Variants in CPPED1 observed in about 807,000 individuals in gnomAD.
CPPED1 encodes the protein serine/threonine-protein phosphatase CPPED1.
A neutral mutation model predicts 28.0 loss-of-function variants in CPPED1; 28 were observed. The observed-to-expected ratio is 1.00, with a 90% CI of 0.74 to 1.37. CPPED1 has a LOEUF of 1.37. CPPED1 is among the 40% of genes most tolerant of loss of function. The pLI, the probability that CPPED1 is intolerant of heterozygous loss-of-function variation, is 0.00. For missense variants in CPPED1, 504 were observed against 416.5 expected (o/e 1.21, Z -1.83); for synonymous variants, 198 against 180.2 (o/e 1.10, Z -0.79).
At chr16:12,796,856 C>A (rs1027382342) in intron 1 of CPPED1, among the ~76,000 whole-genome samples, 1 of 152,004 alleles carries the variant, frequency 6.6e-6, no homozygotes, top group African/African-American at 2.4e-5. Flanking sequence ...AAAAAAATGT[C>A]CAAATGTTTA....
At chr16:12,729,923 G>A (rs1045191265) in intron 2 of CPPED1, among the ~76,000 whole-genome samples, 3 of 152,108 alleles carry the variant, frequency 2.0e-5, no homozygotes, top group Non-Finnish European at 2.9e-5. Context: ...GTACAGCGGC[G>A]TGACCACAGC....
chr16:12,720,133 C>T (rs901244562), intron 2 of CPPED1, among the ~76,000 whole-genome samples: 4 of 152,094 alleles, frequency 2.6e-5, no homozygotes, highest in East Asian at 1.9e-4. Flanking sequence ...GCCTTCACAC[C>T]GATCCTGTCT....
At chr16:12,780,875 G>C in intron 2 of CPPED1, 1 of 344,670 alleles carries the variant, frequency 2.9e-6, no homozygotes, top group Non-Finnish European at 5.4e-6. Context: ...TATAGTGTCT[G>C]GAAGCAGTTC....
chr16:12,706,556 G>GAA (rs56369967), intron 2 of CPPED1, among the ~76,000 whole-genome samples: 9 of 104,856 alleles, frequency 8.6e-5, no homozygotes, highest in Non-Finnish European at 1.1e-4. Flanking sequence ...AATTTTCACC[G>GAA]AAAAAAAAAA....
chr16:12,677,662 C>G (rs917736346), intron 3 of CPPED1, among the ~76,000 whole-genome samples: 1 of 152,176 alleles, frequency 6.6e-6, no homozygotes, highest in South Asian at 2.1e-4. Context: ...AAAGGAAGTG[C>G]CACGGTCGTG....
chr16:12,776,604 C>G (rs955960172), intron 2 of CPPED1, among the ~76,000 whole-genome samples: 2 of 152,166 alleles, frequency 1.3e-5, no homozygotes, highest in African/African-American at 4.8e-5. Context: ...AAGTTCTCTT[C>G]TCTCTTGTCT....
intron 3 of CPPED1, among the ~76,000 whole-genome samples, chr16:12,673,025 A>G (rs775884425): frequency 1.3e-5 from 2 of 152,078 alleles, no homozygotes; most frequent in African/African-American, 2.4e-5. Flanking sequence ...AGAAAAGAAA[A>G]AAGAAAAGAG....
intron 2 of CPPED1, among the ~76,000 whole-genome samples, chr16:12,740,011 A>G (rs951694703): frequency 6.6e-6 from 1 of 151,624 alleles, no homozygotes; most frequent in Non-Finnish European, 1.5e-5. Context: ...TATTATGTGG[A>G]AAGAAAGACG....
In CPPED1 at chr16:12,678,905, C is replaced by T. The variant is rs185858358; in HGVS notation, c.716-13790G>A. Among the ~76,000 whole-genome samples the T allele has an allele frequency of 2.6e-4, 39 of 152,196 alleles. 1 individual carries two copies. The highest frequency in any genetic ancestry group is 2.5e-3 in the Admixed American group (38 of 15,292). ...TGCTTTTTGCAATAGTTAGGATCTC[C>T]AATACAATGTTAAAAAGTATTGGTG... On this transcript the variant is annotated intron_variant, in intron 3 of 3. Transcript: ENST00000381774.
At chr16:12,783,980 G>GC in intron 1 of CPPED1, among the ~76,000 whole-genome samples, 1 of 141,856 alleles carries the variant, frequency 7.0e-6, no homozygotes, top group East Asian at 1.9e-4. Flanking sequence ...ACTCTAAGAT[G>GC]CCCCCCAAAT....
chr16:12,744,595 A>G (rs1039451940), intron 2 of CPPED1, among the ~76,000 whole-genome samples: 3 of 152,208 alleles, frequency 2.0e-5, no homozygotes, highest in Admixed American at 6.5e-5. Flanking sequence ...TTTCTAGGCC[A>G]TGCTACAGAG....
Position 12,664,271 on chromosome 16 carries a change from A to G in CPPED1, c.*615T>C. The G allele has an allele frequency of 1.3e-6, 1 of 791,346 alleles. No homozygotes were observed. The highest frequency in any genetic ancestry group is 1.9e-5 in the African/African-American group (1 of 53,400). 49.0% of individuals were successfully genotyped at this position (791,346 alleles called of 1,614,324 possible). A position where few individuals can be genotyped will look rare whatever the true frequency, so the allele number is the denominator to read the frequency against. ...CTAGGCACCCAGGAAGGCAAATTTA[A>G]GCTCCGAGCTGTATCAACTGCATTC... On this transcript the variant is annotated 3_prime_UTR_variant, in exon 4 of 4. Coordinates refer to ENST00000381774, the MANE Select transcript of CPPED1 (RefSeq NM_018340.3). The surrounding 1 kb of genome is among the most constrained non-coding windows in gnomAD (Gnocchi z 4.2).
chr16:12,791,946 C>T (rs957643386), intron 1 of CPPED1, among the ~76,000 whole-genome samples: 1 of 151,844 alleles, frequency 6.6e-6, no homozygotes, highest in East Asian at 1.9e-4. Context: ...CAAAGTTCTT[C>T]CAGCGGTATC....
chr16:12,691,002 C>A (rs2141178321), intron 3 of CPPED1, among the ~76,000 whole-genome samples: 2 of 152,358 alleles, frequency 1.3e-5, no homozygotes, highest in South Asian at 4.1e-4. Context: ...CTCCTCTCTA[C>A]TTGCCATCAG....
In CPPED1 at chr16:12,768,112, T is replaced by C. The variant is rs534627967; in HGVS notation, c.289+13073A>G. 2.0e-5 allele frequency among the ~76,000 whole-genome samples: 3 copies of C among 152,308 alleles called. No homozygotes were observed. The East Asian group carries it at 5.8e-4, about 29-fold the overall frequency. On this transcript the variant is annotated intron_variant, in intron 2 of 3. Coordinates refer to ENST00000381774, the MANE Select transcript of CPPED1 (RefSeq NM_018340.3). ...ATAAGATGTTGTTTCTTTGACAACC[T>C]CTCTCTGGCTGAACCTTCAACTGAA... is the stretch of plus-strand genomic sequence containing the variant.
intron 2 of CPPED1, among the ~76,000 whole-genome samples, chr16:12,737,815 G>A (rs1293666421): frequency 6.6e-6 from 1 of 152,198 alleles, no homozygotes; most frequent in East Asian, 1.9e-4. Flanking sequence ...AGCGGCTGGA[G>A]GGAACATTTG....
intron 2 of CPPED1, among the ~76,000 whole-genome samples, chr16:12,728,117 T>A (rs1292526819): frequency 6.6e-6 from 1 of 152,170 alleles, no homozygotes. Flanking sequence ...CTGTTATTAT[T>A]GCTGGATTTT....
chr16:12,754,796 C>T (rs1313269930), intron 2 of CPPED1, among the ~76,000 whole-genome samples: 3 of 151,996 alleles, frequency 2.0e-5, no homozygotes, highest in Admixed American at 6.6e-5. Context: ...ACCAGGAGTT[C>T]GAGACCAGCC....
rs1596453388 is a variant in CPPED1 at position 12,704,953 on chromosome 16, T to C, written c.386A>G (p.Asp129Gly). Residue 129 changes from aspartate to glycine, a missense_variant, in exon 3 of 4, where the codon GAC becomes GGC. Physicochemically the swap from Asp to Gly is moderately conservative, Grantham distance 94. Transcript: ENST00000381774. ...IPLVLVSGNH[D>G]IGNTPTAETV... ...CTCGGCCGTGGGGGTGTTGCCAATGTCATGGTTGCCGCTGACAAGGACCAG... is the reference window on the plus strand; with the variant it reads ...CTCGGCCGTGGGGGTGTTGCCAATGCCATGGTTGCCGCTGACAAGGACCAG... 1 of 1,614,184 alleles carries C rather than the reference T, an allele frequency of 6.2e-7. No homozygotes were observed. Among genetic ancestry groups the C allele is most frequent in the South Asian group, 1.1e-5 (1 of 91,078 alleles).
Sources: gnomAD v4.1 joint callset for allele counts (sites outside exome capture counted in the v4.1 genomes callset) on GRCh38, gnomAD v4.1.1 for gene constraint, Gnocchi (gnomAD v3.1) non-coding constraint, MANE v1.5 for transcripts, NCBI Gene and HGNC (gene_info 2026-07-23, HGNC 2026-07-21) for gene names.